The following ATRNL1 variants were observed in gnomAD, a reference collection of about 807,000 sequenced individuals.
ATRNL1 encodes the protein attractin-like protein 1.
In ATRNL1, 95 loss-of-function variants were observed where a neutral mutation model predicts 182.7. That is an observed-to-expected ratio of 0.52 (90% CI 0.44 to 0.62). ATRNL1 has a LOEUF of 0.62. Among genes scored for constraint, ATRNL1 ranks in the 20% least tolerant of loss-of-function variants. The pLI is 0.00. For synonymous variants in ATRNL1, 576 were observed against 568.3 expected (o/e 1.01, Z -0.19); for missense variants, 1,471 against 1,679.5 (o/e 0.88, Z 2.17).
intron 5 of ATRNL1, among the ~76,000 whole-genome samples, chr10:115,130,413 T>A (rs960418012): frequency 3.9e-5 from 6 of 152,088 alleles, no homozygotes; most frequent in Non-Finnish European, 7.4e-5. Flanking sequence ...TATTCATTAT[T>A]CCTGAGATGA....
At chr10:115,558,068 A>AAC (rs1554997738) in intron 26 of ATRNL1, among the ~76,000 whole-genome samples, 45 of 150,780 alleles carry the variant, frequency 3.0e-4, no homozygotes, top group African/African-American at 1.1e-3. Context: ...AAAAAAACAA[A>AAC]AAAAAAAAAC....
At chr10:115,508,328 T>C (rs894806284) in intron 24 of ATRNL1, among the ~76,000 whole-genome samples, 4 of 151,978 alleles carry the variant, frequency 2.6e-5, no homozygotes, top group African/African-American at 9.7e-5. Context: ...CACAGCAATA[T>C]TGAAATCAAG....
At chr10:115,273,092 G>T (rs141697852) in intron 13 of ATRNL1, among the ~76,000 whole-genome samples, 36 of 152,244 alleles carry the variant, frequency 2.4e-4, no homozygotes, top group Admixed American at 6.5e-4. Context: ...TAGGGGGATG[G>T]CACCATATCA....
intron 1 of ATRNL1, among the ~76,000 whole-genome samples, chr10:115,106,829 C>T (rs1844033866): frequency 6.6e-6 from 1 of 152,050 alleles, no homozygotes; most frequent in Non-Finnish European, 1.5e-5. Context: ...GTGTCTTTAT[C>T]AGCAGTGTGA....
chr10:115,640,602 T>G (rs1859176613), intron 26 of ATRNL1, among the ~76,000 whole-genome samples: 1 of 152,204 alleles, frequency 6.6e-6, no homozygotes, highest in Non-Finnish European at 1.5e-5. Context: ...TTCATATCCT[T>G]TACCCACTTT....
chr10:115,832,545 G>C (rs944335813), intron 27 of ATRNL1, among the ~76,000 whole-genome samples: 1 of 152,200 alleles, frequency 6.6e-6, no homozygotes, highest in Non-Finnish European at 1.5e-5. Flanking sequence ...GTATGCGTCT[G>C]TCTGTCTCCT....
chr10:115,835,974 G>C (rs1194425812), intron 27 of ATRNL1, among the ~76,000 whole-genome samples: 1 of 152,156 alleles, frequency 6.6e-6, no homozygotes, highest in Non-Finnish European at 1.5e-5. Flanking sequence ...CACCGATGTT[G>C]TTCCTGTGGC....
At chr10:115,172,725 C>T (rs1847340886) in intron 8 of ATRNL1, among the ~76,000 whole-genome samples, 1 of 151,866 alleles carries the variant, frequency 6.6e-6, no homozygotes, top group African/African-American at 2.4e-5. Flanking sequence ...TTTCCACTAT[C>T]TCTCACTCTT....
At chr10:115,545,721 G>T (rs531247237) in intron 25 of ATRNL1, among the ~76,000 whole-genome samples, 46 of 152,216 alleles carry the variant, frequency 3.0e-4, no homozygotes, top group African/African-American at 1.1e-3. Context: ...ATACATTTTG[G>T]TATTTAAGTT....
At chr10:115,793,412 G>C (rs1555082196) in intron 27 of ATRNL1, among the ~76,000 whole-genome samples, 1 of 152,052 alleles carries the variant, frequency 6.6e-6, no homozygotes, top group Non-Finnish European at 1.5e-5. Context: ...TATTATCTGT[G>C]TTAAAGCAGC....
At chr10:115,311,787 G>C (rs1854043688) in intron 17 of ATRNL1, among the ~76,000 whole-genome samples, 1 of 151,994 alleles carries the variant, frequency 6.6e-6, no homozygotes, top group Non-Finnish European at 1.5e-5. Flanking sequence ...GGCAGCTCTA[G>C]TGTTAGGTGC....
chr10:115,513,872 G>T (rs976348417), intron 24 of ATRNL1, among the ~76,000 whole-genome samples: 4 of 151,982 alleles, frequency 2.6e-5, no homozygotes, highest in Non-Finnish European at 4.4e-5. Context: ...TATTCAACCT[G>T]AGCCTGTAGC....
intron 26 of ATRNL1, among the ~76,000 whole-genome samples, chr10:115,689,120 A>G (rs12245971): frequency 1.9e-4 from 29 of 152,028 alleles, no homozygotes; most frequent in Admixed American, 6.5e-4. Context: ...AAATATTTCA[A>G]TTTGTTTCTG....
At chr10:115,377,220 G>C (rs573702477) in intron 19 of ATRNL1, among the ~76,000 whole-genome samples, 4 of 152,034 alleles carry the variant, frequency 2.6e-5, no homozygotes, top group Admixed American at 2.0e-4. Context: ...GGACCCAGTG[G>C]GAGATAACTG....
intron 27 of ATRNL1, among the ~76,000 whole-genome samples, chr10:115,805,763 T>G (rs1396190556): frequency 1.3e-5 from 2 of 152,162 alleles, no homozygotes; most frequent in Admixed American, 1.3e-4. Context: ...TGTTTGTCAC[T>G]TAGGGACTTT....
At chr10:115,765,916 C>T (rs1233630296) in intron 27 of ATRNL1, among the ~76,000 whole-genome samples, 1 of 152,162 alleles carries the variant, frequency 6.6e-6, no homozygotes, top group Admixed American at 6.5e-5. Context: ...CAATCTTTAG[C>T]TATTGCAAAC....
chr10:115,230,911 G>GAGAGAGAGAGAGAGAGAGAA (rs1849911770), intron 9 of ATRNL1, among the ~76,000 whole-genome samples: 11 of 112,074 alleles, frequency 9.8e-5, no homozygotes, highest in Non-Finnish European at 1.2e-4. Context: ...GAGAGAGAGA[G>GAGAGAGAGAGAGAGAGAGAA]AGAGAGAGAG....
chr10:115,935,156 G>A (rs1953518450), intron 28 of ATRNL1, among the ~76,000 whole-genome samples: 1 of 152,120 alleles, frequency 6.6e-6, no homozygotes, highest in African/African-American at 2.4e-5. Flanking sequence ...AAATCTAGGA[G>A]CTCTTGAATC....
intron 7 of ATRNL1, among the ~76,000 whole-genome samples, chr10:115,168,768 T>A (rs1056212375): frequency 3.3e-5 from 5 of 152,108 alleles, no homozygotes; most frequent in Non-Finnish European, 7.4e-5. Flanking sequence ...TGTTTTCACT[T>A]TCTTGATGTT....
Sources: allele counts gnomAD v4.1 joint callset (sites outside exome capture counted in the v4.1 genomes callset), GRCh38; gene constraint gnomAD v4.1.1; transcripts MANE v1.5; gene names NCBI Gene and HGNC (gene_info 2026-07-23, HGNC 2026-07-21).